NRXN3: variants seen among roughly 807,000 people sequenced by gnomAD.
NRXN3 encodes neurexin 3.
NRXN3 carries 32 observed loss-of-function variants against 137.6 expected under a neutral mutation model. That is an observed-to-expected ratio of 0.23 (90% CI 0.18 to 0.31). The LOEUF is 0.31. Ranked by LOEUF, NRXN3 falls within the 10% of genes least tolerant of loss-of-function variation. The pLI, the probability that NRXN3 is intolerant of heterozygous loss-of-function variation, is 1.00. For synonymous variants in NRXN3, 798 were observed against 784.5 expected, an observed-to-expected ratio of 1.02 and a Z score of -0.29; for missense variants, 1,574 against 2,062.5, an observed-to-expected ratio of 0.76 and a Z score of 4.59.
intron 15 of NRXN3, among the ~76,000 whole-genome samples, chr14:79,339,492 C>T (rs1057477736): frequency 1.3e-5 from 2 of 152,208 alleles, no homozygotes; most frequent in African/African-American, 4.8e-5. Flanking sequence ...TAGAGAAACA[C>T]CTTCAAAGTG....
intron 16 of NRXN3, among the ~76,000 whole-genome samples, chr14:79,657,689 A>G (rs76828470): frequency 1.3e-5 from 2 of 152,310 alleles, no homozygotes; most frequent in Non-Finnish European, 2.9e-5. Context: ...ACTGAGTTCA[A>G]TGTTTTATTC....
At chr14:78,730,205 G>A (rs1319654736) in intron 8 of NRXN3, among the ~76,000 whole-genome samples, 1 of 152,158 alleles carries the variant, frequency 6.6e-6, no homozygotes, top group Non-Finnish European at 1.5e-5. Context: ...CTGGAATAGA[G>A]CGAGAAGCAG....
At chr14:78,943,960 G>T (rs899763052) in intron 10 of NRXN3, among the ~76,000 whole-genome samples, 5 of 151,934 alleles carry the variant, frequency 3.3e-5, no homozygotes, top group African/African-American at 9.7e-5. Flanking sequence ...GCTGACTGGG[G>T]TGTTGAAGGG....
At chr14:78,472,209 CT>C (rs2095288668) in intron 4 of NRXN3, among the ~76,000 whole-genome samples, 1 of 152,128 alleles carries the variant, frequency 6.6e-6, no homozygotes, top group Admixed American at 6.5e-5. Flanking sequence ...AGTTTTGCCT[CT>C]TTCTTGGTCA....
intron 4 of NRXN3, among the ~76,000 whole-genome samples, chr14:78,430,919 C>G (rs2153687098): frequency 6.6e-6 from 1 of 150,634 alleles, no homozygotes; most frequent in South Asian, 2.2e-4. Flanking sequence ...AGTTCATATT[C>G]ATCCTAGAGA....
intron 4 of NRXN3, among the ~76,000 whole-genome samples, chr14:78,434,320 C>T (rs991627708): frequency 1.3e-5 from 2 of 152,144 alleles, no homozygotes; most frequent in African/African-American, 4.8e-5. Context: ...TTCCAGGCCT[C>T]TCTTTGGCTT....
chr14:78,266,595 C>T (rs2071772927), intron 2 of NRXN3, among the ~76,000 whole-genome samples: 1 of 152,156 alleles, frequency 6.6e-6, no homozygotes. Context: ...CCAAGCCCAG[C>T]CTAATCTCTG....
At chr14:79,005,598 A>G (rs149100769) in intron 15 of NRXN3, among the ~76,000 whole-genome samples, 1,752 of 152,312 alleles carry the variant, frequency 0.012, 15 homozygotes, top group Non-Finnish European at 0.018. Flanking sequence ...ATTCCATTTA[A>G]GTCTGGGACT....
Position 79,496,169 on chromosome 14 carries a change from A to C in NRXN3, c.3444+28767A>C, listed in dbSNP as rs368509125. Among the ~76,000 whole-genome samples, 123 of 152,174 alleles carry C rather than the reference A, an allele frequency of 8.1e-4. No individual in the cohort carries two copies. In the South Asian group the frequency reaches 0.018, roughly 22 times the overall value. On this transcript the variant is annotated intron_variant, in intron 16 of 20. Coordinates refer to ENST00000335750, the MANE Select transcript of NRXN3 (RefSeq NM_001330195.2). ...TGCTGACAAAAGAAAGGGAAAGGAA[A>C]AAAATCAGATAATAATTCCCTTTAC...
In NRXN3 at chr14:78,254,167, G is replaced by A. The variant is rs1368229692; in HGVS notation, c.709+10365G>A. ...CTTAAACAGTGTGGGAGGGCTTGAT[G>A]TGGGAAGAGATTTGATGTAAGCAGG... is the stretch of plus-strand genomic sequence containing the variant. On this transcript the variant is annotated intron_variant, in intron 2 of 20. Transcript: ENST00000335750. Among the ~76,000 whole-genome samples, 18 of 152,154 alleles carry A rather than the reference G, an allele frequency of 1.2e-4. No homozygotes were observed. The East Asian group carries it at 3.4e-3, about 28-fold the overall frequency.
chr14:78,968,438 C>A (rs2099428184), intron 14 of NRXN3, 92 bp downstream of exon 14: 3 of 1,198,092 alleles, frequency 2.5e-6, no homozygotes, highest in Non-Finnish European at 3.6e-6. Flanking sequence ...CCTCAGTTGA[C>A]CAGTCCTGTC....
intron 15 of NRXN3, among the ~76,000 whole-genome samples, chr14:79,283,828 C>T (rs769765349): frequency 6.6e-6 from 1 of 151,728 alleles, no homozygotes; most frequent in Admixed American, 6.6e-5. Context: ...GATACAGAAC[C>T]GAATAAGACA....
At chr14:78,748,425 T>C (rs1368507234) in intron 8 of NRXN3, among the ~76,000 whole-genome samples, 1 of 152,120 alleles carries the variant, frequency 6.6e-6, no homozygotes, top group African/African-American at 2.4e-5. Flanking sequence ...AGCCAGCGGA[T>C]GCGGTAGGAA....
At chr14:79,282,701 C>A (rs985264019) in intron 15 of NRXN3, among the ~76,000 whole-genome samples, 1 of 151,958 alleles carries the variant, frequency 6.6e-6, no homozygotes, top group Non-Finnish European at 1.5e-5. Flanking sequence ...GGCTAGAGAC[C>A]CCAGAAAAGG....
At chr14:78,807,733 T>C (rs371686173) in intron 9 of NRXN3, among the ~76,000 whole-genome samples, 8 of 70,380 alleles carry the variant, frequency 1.1e-4, no homozygotes, top group Non-Finnish European at 1.7e-4. Flanking sequence ...AGATTCTGTC[T>C]CAAAAAAAAA....
intron 16 of NRXN3, among the ~76,000 whole-genome samples, chr14:79,531,185 C>G (rs1196872947): frequency 6.6e-6 from 1 of 152,150 alleles, no homozygotes; most frequent in Non-Finnish European, 1.5e-5. Flanking sequence ...TTCCGTTTAG[C>G]TAATGCTATG....
chr14:78,500,816 T>A (rs189932102), intron 4 of NRXN3, among the ~76,000 whole-genome samples: 1 of 152,298 alleles, frequency 6.6e-6, no homozygotes, highest in East Asian at 1.9e-4. Context: ...CAGCAAATAC[T>A]TTTGAGCATT....
intron 4 of NRXN3, among the ~76,000 whole-genome samples, chr14:78,314,933 T>C (rs552640404): frequency 2.4e-5 from 3 of 123,268 alleles, no homozygotes; most frequent in South Asian, 2.8e-4. Context: ...CTTTCTTTCT[T>C]TCTTTCTTTC....
chr14:78,666,877 G>A (rs1001702322), intron 6 of NRXN3, among the ~76,000 whole-genome samples: 1 of 152,074 alleles, frequency 6.6e-6, no homozygotes, highest in African/African-American at 2.4e-5. Context: ...CCCACTCAAG[G>A]CCTTCTGCAG....
Sources: gnomAD v4.1 joint callset for allele counts (sites outside exome capture counted in the v4.1 genomes callset) on GRCh38, gnomAD v4.1.1 for gene constraint, MANE v1.5 for transcripts, NCBI Gene and HGNC (gene_info 2026-07-23, HGNC 2026-07-21) for gene names.